Variants in BMPR2 observed in about 807,000 individuals in gnomAD.
BMPR2 encodes bone morphogenetic protein receptor type 2, also known as bone morphogenetic protein receptor type-2.
A neutral mutation model predicts 100.8 loss-of-function variants in BMPR2; 29 were observed. The observed-to-expected ratio is 0.29, with a 90% CI of 0.21 to 0.39. BMPR2 has a LOEUF of 0.39. Among genes scored for constraint, BMPR2 ranks in the 10% least tolerant of loss-of-function variants. The pLI is 1.00. For missense variants in BMPR2, 1,011 were observed against 1,274.5 expected (o/e 0.79, Z 3.15); for synonymous variants, 382 against 442.3 (o/e 0.86, Z 1.71).
chr2:202,389,233 A>G (rs1010715270), intron 1 of BMPR2, among the ~76,000 whole-genome samples: 1 of 151,854 alleles, frequency 6.6e-6, no homozygotes, highest in African/African-American at 2.4e-5. Flanking sequence ...TCTTAAATTT[A>G]AAAAACAAAA....
In BMPR2 at chr2:202,559,897, G is replaced by A. The variant is rs752499702; in HGVS notation, c.3068G>A (p.Gly1023Asp). Reference protein sequence around the residue: ...SSTAVYLAEGGTATTMVSKDI... With the variant: ...SSTAVYLAEGDTATTMVSKDI... The stretch of plus-strand genomic sequence containing the variant: ...ACTGCTGTTTACCTTGCAGAAGGAG[G>A]CACTGCTACAACCATGGTGTCTAAA... The change falls in exon 13 of 13, where the codon GGC becomes GAC. Residue 1023 changes from glycine (G) to aspartate (D), a missense_variant. Transcript: ENST00000374580. 1.2e-6 allele frequency: 2 copies of A among 1,614,144 alleles called. No homozygotes were observed. The highest frequency in any genetic ancestry group is 2.2e-5 in the East Asian group (1 of 44,882).
chr2:202,437,039 G>T (rs986735038), intron 1 of BMPR2, among the ~76,000 whole-genome samples: 1 of 149,948 alleles, frequency 6.7e-6, no homozygotes, highest in Non-Finnish European at 1.5e-5. Context: ...ATGGAGTCTC[G>T]CTTGGTCCGA....
intron 1 of BMPR2, among the ~76,000 whole-genome samples, chr2:202,450,368 AT>A (rs1245237421): frequency 6.6e-6 from 1 of 152,148 alleles, no homozygotes; most frequent in Non-Finnish European, 1.5e-5. Context: ...TGAATATTTT[AT>A]TTTTGAAAGG....
intron 7 of BMPR2, among the ~76,000 whole-genome samples, chr2:202,529,608 T>A (rs537526242): frequency 6.6e-6 from 1 of 152,264 alleles, no homozygotes; most frequent in East Asian, 1.9e-4. Context: ...TTTGGAAGAC[T>A]GGAGAACAGG....
intron 9 of BMPR2, among the ~76,000 whole-genome samples, chr2:202,534,829 C>T (rs1334736671): frequency 3.3e-5 from 5 of 150,998 alleles, no homozygotes; most frequent in East Asian, 2.0e-4. Context: ...ACCTCCCGGA[C>T]GGGGCGGCTG....
chr2:202,480,814 G>T (rs1199054334), intron 3 of BMPR2, among the ~76,000 whole-genome samples: 5 of 151,670 alleles, frequency 3.3e-5, no homozygotes, highest in Admixed American at 6.6e-5. Context: ...AATTAGCCAG[G>T]CGTGGTGGCA....
At chr2:202,395,193 T>C (rs970291875) in intron 1 of BMPR2, among the ~76,000 whole-genome samples, 2 of 152,212 alleles carry the variant, frequency 1.3e-5, no homozygotes, top group African/African-American at 4.8e-5. Context: ...GTCTTTACTC[T>C]TAACCATGTT....
rs1351298895 is a variant in BMPR2 at position 202,561,838 on chromosome 2, C to T, written c.*1892C>T. On this transcript the variant is annotated 3_prime_UTR_variant, in exon 13 of 13. Transcript: ENST00000374580. ...TACAAGTTAGATGTTACTATACCTA[C>T]CATTTATTCAGCTGGATTGCTGAAC... The T allele has an allele frequency of 6.6e-6, 1 of 152,116 alleles. No individual in the cohort carries two copies. Among genetic ancestry groups the T allele is most frequent in the African/African-American group, 2.4e-5 (1 of 41,432 alleles). 9.4% of individuals were successfully genotyped at this position (152,116 alleles called of 1,614,324 possible).
chr2:202,464,745 A>C (rs1486606798), intron 1 of BMPR2, 64 bp from the exon 2 acceptor site: 23 of 1,449,334 alleles, frequency 1.6e-5, no homozygotes, highest in Non-Finnish European at 1.7e-5. Context: ...GATAAGACAA[A>C]GATTTTATAT....
rs1031090177 is a variant in BMPR2 at position 202,542,299 on chromosome 2, A to G, written c.1277-12A>G. 1 of 1,613,618 alleles carries G rather than the reference A, an allele frequency of 6.2e-7. No individual in the cohort carries two copies. The highest frequency in any genetic ancestry group is 8.5e-7 in the Non-Finnish European group (1 of 1,179,678). ...AAATTTTATTCTGTCATTCTTTTCT[A>G]CAAATCCACAGGGGAATCCGTACCA... On this transcript the variant is annotated splice_polypyrimidine_tract_variant and intron_variant, in intron 9 of 12. Transcript: ENST00000374580.
At chr2:202,447,533 T>A (rs1691876425) in intron 1 of BMPR2, among the ~76,000 whole-genome samples, 1 of 150,358 alleles carries the variant, frequency 6.7e-6, no homozygotes, top group African/African-American at 2.5e-5. Context: ...TTTAAAATAC[T>A]AGACAGGCAT....
intron 1 of BMPR2, among the ~76,000 whole-genome samples, chr2:202,458,299 A>AAAAAAC (rs1559044753): frequency 2.0e-5 from 3 of 149,552 alleles, no homozygotes; most frequent in Non-Finnish European, 4.5e-5. Flanking sequence ...AAAAAAAAAA[A>AAAAAAC]AAAAAAAAAC....
At chr2:202,526,469 G>A (rs935575935) in intron 7 of BMPR2, among the ~76,000 whole-genome samples, 24 of 152,068 alleles carry the variant, frequency 1.6e-4, no homozygotes, top group African/African-American at 5.6e-4. Context: ...TAATTTATCC[G>A]TTCATTTATC....
chr2:202,398,384 G>C (rs73990267), intron 1 of BMPR2, among the ~76,000 whole-genome samples: 110 of 152,152 alleles, frequency 7.2e-4, no homozygotes, highest in African/African-American at 2.6e-3. Context: ...AAAACAACTG[G>C]CTTTTTTTTT....
At chr2:202,431,171 A>G (rs532120447) in intron 1 of BMPR2, among the ~76,000 whole-genome samples, 6 of 150,742 alleles carry the variant, frequency 4.0e-5, no homozygotes, top group Middle Eastern at 6.8e-3. Flanking sequence ...GGTGTCCATC[A>G]TGTCTCCTTT....
intron 3 of BMPR2, among the ~76,000 whole-genome samples, chr2:202,477,986 T>C (rs1692584618): frequency 6.6e-6 from 1 of 152,166 alleles, no homozygotes; most frequent in African/African-American, 2.4e-5. Context: ...AAAACCAATA[T>C]TCACAGTGCT....
chr2:202,452,761 G>GCC (rs1165698568), intron 1 of BMPR2, among the ~76,000 whole-genome samples: 1 of 152,212 alleles, frequency 6.6e-6, no homozygotes, highest in Non-Finnish European at 1.5e-5. Context: ...CAAGGACTCA[G>GCC]CCCCTGCTCT....
intron 3 of BMPR2, among the ~76,000 whole-genome samples, chr2:202,470,921 G>T (rs1029245803): frequency 4.0e-5 from 6 of 151,806 alleles, no homozygotes; most frequent in African/African-American, 1.5e-4. Flanking sequence ...AAGTAGCCAG[G>T]TGTGGCACAC....
chr2:202,541,671 A>G (rs1426441025), intron 9 of BMPR2, among the ~76,000 whole-genome samples: 2 of 152,126 alleles, frequency 1.3e-5, no homozygotes, highest in African/African-American at 4.8e-5. Flanking sequence ...CATGTTTTCA[A>G]GTATTAAGTA....
Sources: allele counts gnomAD v4.1 joint callset (sites outside exome capture counted in the v4.1 genomes callset), GRCh38; gene constraint gnomAD v4.1.1; transcripts MANE v1.5; gene names NCBI Gene and HGNC (gene_info 2026-07-23, HGNC 2026-07-21).